NFATC3: variants seen among roughly 807,000 people sequenced by gnomAD.
NFATC3 encodes nuclear factor of activated T-cells, cytoplasmic 3.
Under a neutral mutation model 98.6 loss-of-function variants are expected in NFATC3, and 46 were observed. The observed-to-expected ratio is 0.47, with a 90% confidence interval of 0.37 to 0.60. NFATC3 has a LOEUF of 0.60. Among genes scored for constraint, NFATC3 ranks in the 20% least tolerant of loss-of-function variants. The pLI is 0.00. For missense variants in NFATC3, 1,256 were observed against 1,295.5 expected, an observed-to-expected ratio of 0.97 and a Z score of 0.47; for synonymous variants, 512 against 472.2, an observed-to-expected ratio of 1.08 and a Z score of -1.09.
At chr16:68,199,919 C>G (rs972352720) in intron 9 of NFATC3, 5 of 152,190 alleles carry the variant, frequency 3.3e-5, no homozygotes, top group African/African-American at 1.2e-4. Flanking sequence ...CATTCTCTTT[C>G]TCGCTGGAGT....
At chr16:68,169,070 C>G (rs537202609) in intron 5 of NFATC3, among the ~76,000 whole-genome samples, 1 of 152,274 alleles carries the variant, frequency 6.6e-6, no homozygotes, top group African/African-American at 2.4e-5. Context: ...TAGGCATGAG[C>G]TACCACATTC....
intron 1 of NFATC3, among the ~76,000 whole-genome samples, chr16:68,116,750 G>T (rs951097268): frequency 3.3e-5 from 5 of 151,568 alleles, no homozygotes; most frequent in Non-Finnish European, 5.9e-5. Context: ...AAATGGGCTG[G>T]TACAATAATT....
chr16:68,228,010 C>T lies in NFATC3; in HGVS notation c.*1539C>T, dbSNP rs1432748594. 6.6e-6 allele frequency: 1 copy of T among 152,018 alleles called. No individual in the cohort carries two copies. Among genetic ancestry groups the T allele is most frequent in the Admixed American group, 6.6e-5 (1 of 15,246 alleles). 9.4% of individuals were successfully genotyped at this position (152,018 alleles called of 1,614,324 possible). The stretch of plus-strand genomic sequence containing the variant: ...GCTGTTATTCCAGGAGACTGCAGGC[C>T]CTTGATGCCAGGACTCTCTCTACTA... On this transcript the variant is annotated 3_prime_UTR_variant, in exon 10 of 10. Transcript: ENST00000346183.
intron 1 of NFATC3, among the ~76,000 whole-genome samples, chr16:68,114,657 C>T (rs1415154012): frequency 6.6e-6 from 1 of 151,596 alleles, no homozygotes. Flanking sequence ...TCACTGCAAC[C>T]TCCGACTCCC....
chr16:68,126,387 T>C (rs1268270722), intron 2 of NFATC3, 61 bp from the exon 3 acceptor site: 19 of 1,499,874 alleles, frequency 1.3e-5, no homozygotes, highest in Middle Eastern at 2.0e-4. Flanking sequence ...AAGAAGCCAT[T>C]TGAATCATTG....
At chr16:68,164,484 C>T (rs1412997007) in intron 4 of NFATC3, among the ~76,000 whole-genome samples, 4 of 152,134 alleles carry the variant, frequency 2.6e-5, no homozygotes, top group Non-Finnish European at 1.5e-5. Flanking sequence ...ACAGAGCTAC[C>T]CTACAAGATG....
At chr16:68,209,676 CT>C in intron 9 of NFATC3, 1 of 419,888 alleles carries the variant, frequency 2.4e-6, no homozygotes, top group Non-Finnish European at 4.6e-6. Flanking sequence ...AATCAACCTA[CT>C]TAAGGTTGAT....
intron 9 of NFATC3, among the ~76,000 whole-genome samples, chr16:68,205,887 C>A (rs2041125218): frequency 6.6e-6 from 1 of 151,616 alleles, no homozygotes; most frequent in Non-Finnish European, 1.5e-5. Context: ...TGAATATTTG[C>A]ACCACTATCT....
At chr16:68,115,868 C>A (rs2036251040) in intron 1 of NFATC3, among the ~76,000 whole-genome samples, 1 of 152,002 alleles carries the variant, frequency 6.6e-6, no homozygotes, top group African/African-American at 2.4e-5. Context: ...AACAGTATAA[C>A]CACACTCCAC....
chr16:68,160,574 C>T (rs766159375), intron 4 of NFATC3, among the ~76,000 whole-genome samples: 5 of 152,028 alleles, frequency 3.3e-5, no homozygotes, highest in African/African-American at 4.8e-5. Context: ...AAATTTTTGC[C>T]TGCTTTGGTT....
At chr16:68,129,694 A>C (rs1486403929) in intron 3 of NFATC3, among the ~76,000 whole-genome samples, 1 of 92,544 alleles carries the variant, frequency 1.1e-5, no homozygotes, top group African/African-American at 4.9e-5. Context: ...TTTTTTTTTT[A>C]AGAGCTAGGC....
At chr16:68,213,112 T>C (rs2041485248) in intron 9 of NFATC3, among the ~76,000 whole-genome samples, 1 of 150,924 alleles carries the variant, frequency 6.6e-6, no homozygotes, top group Non-Finnish European at 1.5e-5. Context: ...TTCTTTCTCT[T>C]CTTTAAAATA....
intron 4 of NFATC3, among the ~76,000 whole-genome samples, chr16:68,166,153 A>C (rs2039182000): frequency 6.6e-6 from 1 of 152,242 alleles, no homozygotes; most frequent in Non-Finnish European, 1.5e-5. Context: ...GTGTAGAATT[A>C]AAGAGTCTTT....
At chr16:68,180,717 A>G (rs1056622300) in intron 6 of NFATC3, among the ~76,000 whole-genome samples, 4 of 151,940 alleles carry the variant, frequency 2.6e-5, no homozygotes, top group Non-Finnish European at 5.9e-5. Context: ...GTGTGTTCTC[A>G]TTGTTCAATT....
Position 68,085,713 on chromosome 16 carries a change from A to G in NFATC3, c.32A>G (p.Glu11Gly). MTTANCGAHD[E>G]LDFKLVFGED... is the part of the protein sequence containing the mutation. Reference sequence around the variant, plus strand: ...ACTGCAAACTGTGGCGCCCACGACGAGCTCGACTTCAAACTCGTCTTTGGC... The same window carrying G: ...ACTGCAAACTGTGGCGCCCACGACGGGCTCGACTTCAAACTCGTCTTTGGC... Residue 11 changes from glutamate to glycine, a missense_variant, in exon 1 of 10, where the codon GAG becomes GGG. By Grantham distance (98) the Glu-to-Gly change is moderately conservative. Coordinates refer to ENST00000346183, the MANE Select transcript of NFATC3 (RefSeq NM_173165.3). 6.6e-7 allele frequency: 1 copy of G among 1,515,140 alleles called. No individual in the cohort carries two copies. The highest frequency in any genetic ancestry group is 8.8e-7 in the Non-Finnish European group (1 of 1,133,610). 93.9% of individuals were successfully genotyped at this position (1,515,140 alleles called of 1,614,324 possible).
At chr16:68,145,701 A>G (rs2038006845) in intron 3 of NFATC3, among the ~76,000 whole-genome samples, 1 of 152,204 alleles carries the variant, frequency 6.6e-6, no homozygotes, top group Non-Finnish European at 1.5e-5. Context: ...AAACAGGGTC[A>G]GGTTGAGGGG....
intron 3 of NFATC3, among the ~76,000 whole-genome samples, chr16:68,148,463 ATAAAAAT>A (rs1247034291): frequency 1.3e-5 from 2 of 152,240 alleles, no homozygotes; most frequent in East Asian, 3.8e-4. Context: ...TCTTGACTAC[ATAAAAAT>A]TAAAATATTT....
chr16:68,105,366 A>G (rs1311003535), intron 1 of NFATC3, among the ~76,000 whole-genome samples: 4 of 152,118 alleles, frequency 2.6e-5, no homozygotes, highest in Non-Finnish European at 4.4e-5. Context: ...ACAGGCATGA[A>G]CCAGTACACC....
chr16:68,100,544 A>C (rs1406707759), intron 1 of NFATC3, among the ~76,000 whole-genome samples: 7 of 152,066 alleles, frequency 4.6e-5, no homozygotes, highest in African/African-American at 1.7e-4. Context: ...GCTGTACTCC[A>C]GCCTGAGCAA....
Sources: gnomAD v4.1 joint callset for allele counts (sites outside exome capture counted in the v4.1 genomes callset) on GRCh38, gnomAD v4.1.1 for gene constraint, MANE v1.5 for transcripts, NCBI Gene and HGNC (gene_info 2026-07-23, HGNC 2026-07-21) for gene names.